Variants in SMYD3 observed in about 807,000 individuals in gnomAD.
SMYD3 encodes the protein SET and MYND domain containing 3, also known as histone-lysine N-methyltransferase SMYD3.
SMYD3 carries 36 observed loss-of-function variants against 57.7 expected under a neutral mutation model. The ratio of observed to expected loss-of-function variants is 0.62; its 90% CI spans 0.48 to 0.82. SMYD3 has a LOEUF of 0.82. SMYD3 is among the 40% of genes least tolerant of loss of function. The pLI is 0.00. For missense variants in SMYD3, 515 were observed against 538.8 expected (o/e 0.96, Z 0.44); for synonymous variants, 211 against 195.0 (o/e 1.08, Z -0.68).
At chr1:246,247,035 C>T (rs1236110523) in intron 5 of SMYD3, among the ~76,000 whole-genome samples, 1 of 152,098 alleles carries the variant, frequency 6.6e-6, no homozygotes, top group African/African-American at 2.4e-5. Flanking sequence ...ACTAAATGCT[C>T]TTTTGTATAT....
At chr1:245,916,213 T>C (rs1278238688) in intron 7 of SMYD3, among the ~76,000 whole-genome samples, 2 of 152,040 alleles carry the variant, frequency 1.3e-5, no homozygotes, top group African/African-American at 4.8e-5. Flanking sequence ...AACTTGAGAG[T>C]ACCACCACTG....
At chr1:246,171,242 A>G (rs542837795) in intron 5 of SMYD3, among the ~76,000 whole-genome samples, 1 of 152,350 alleles carries the variant, frequency 6.6e-6, no homozygotes, top group South Asian at 2.1e-4. Context: ...TTTCTTTTAT[A>G]AAAGATATCA....
At chr1:245,836,050 A>G (rs1468772384) in intron 10 of SMYD3, among the ~76,000 whole-genome samples, 2 of 152,088 alleles carry the variant, frequency 1.3e-5, no homozygotes, top group African/African-American at 4.8e-5. Context: ...CCCAACTCCT[A>G]CCAAACATTA....
intron 5 of SMYD3, among the ~76,000 whole-genome samples, chr1:246,037,333 A>G (rs759759458): frequency 6.6e-6 from 1 of 152,158 alleles, no homozygotes; most frequent in Non-Finnish European, 1.5e-5. Flanking sequence ...GTGACATTTC[A>G]GTATCATATT....
intron 2 of SMYD3, among the ~76,000 whole-genome samples, chr1:246,340,635 T>C (rs1300614684): frequency 6.6e-6 from 1 of 152,206 alleles, no homozygotes; most frequent in Non-Finnish European, 1.5e-5. Context: ...TAGGCTGCTC[T>C]GATCTTTCTG....
chr1:245,873,440 G>C (rs1227572480), intron 8 of SMYD3, among the ~76,000 whole-genome samples: 1 of 152,146 alleles, frequency 6.6e-6, no homozygotes, highest in East Asian at 1.9e-4. Flanking sequence ...TGGGAGGTTT[G>C]AGATTCTGGG....
At position 246,310,102 on chromosome 1, in the gene SMYD3, G is replaced by A. The variant is rs191894623; in HGVS notation, c.531+17099C>T. Among the ~76,000 whole-genome samples the A allele has an allele frequency of 2.3e-3, 347 of 152,200 alleles. 7 individuals carry two copies. Among genetic ancestry groups the A allele is most frequent in the East Asian group, 1.9e-3 (10 of 5,178 alleles). On this transcript the variant is annotated intron_variant, in intron 5 of 11. Coordinates refer to ENST00000490107, the MANE Select transcript of SMYD3 (RefSeq NM_001167740.2). Reference sequence around the variant, plus strand: ...AATGTTTTCAGGAAAAAAATTTGCTGTACAATACAGCACTGAATTCTATGT... The same window carrying A: ...AATGTTTTCAGGAAAAAAATTTGCTATACAATACAGCACTGAATTCTATGT...
chr1:245,861,184 TCCC>T (rs1432080960), intron 9 of SMYD3, among the ~76,000 whole-genome samples: 7 of 152,166 alleles, frequency 4.6e-5, no homozygotes, highest in Non-Finnish European at 1.0e-4. Flanking sequence ...AAGAGGCTTT[TCCC>T]CCCAAGCTAC....
chr1:246,228,249 C>T (rs756512581), intron 5 of SMYD3, among the ~76,000 whole-genome samples: 3 of 152,136 alleles, frequency 2.0e-5, no homozygotes, highest in Admixed American at 6.5e-5. Flanking sequence ...GGATTGCAGA[C>T]GTGAGCCACT....
At chr1:246,098,321 C>A (rs2060950154) in intron 5 of SMYD3, among the ~76,000 whole-genome samples, 1 of 152,148 alleles carries the variant, frequency 6.6e-6, no homozygotes, top group South Asian at 2.1e-4. Flanking sequence ...AAATCCAAAG[C>A]CCTGCGGGAA....
Position 246,457,274 on chromosome 1 carries a change from C to T in SMYD3, c.164+49780G>A, listed in dbSNP as rs778408311. Among the ~76,000 whole-genome samples the T allele has an allele frequency of 2.0e-5, 3 of 152,038 alleles. No homozygotes were observed. In the South Asian group the frequency reaches 6.2e-4, roughly 32 times the overall value. On this transcript the variant is annotated intron_variant, in intron 1 of 11. Coordinates refer to ENST00000490107, the MANE Select transcript of SMYD3 (RefSeq NM_001167740.2). ...ATAAATCTTCTCCCTCATCACTCCT[C>T]TATTGGAAACTCTCAGGTGACTCTT...
intron 5 of SMYD3, among the ~76,000 whole-genome samples, chr1:246,324,927 T>G (rs2065313903): frequency 6.8e-6 from 1 of 146,192 alleles, no homozygotes; most frequent in Admixed American, 7.0e-5. Context: ...CCCTGAAAGC[T>G]GCAGGATCTA....
At chr1:246,390,878 T>C (rs982701568) in intron 1 of SMYD3, among the ~76,000 whole-genome samples, 5 of 151,976 alleles carry the variant, frequency 3.3e-5, no homozygotes, top group Admixed American at 2.6e-4. Context: ...CAGATGACTT[T>C]TAAAAAAATC....
intron 5 of SMYD3, among the ~76,000 whole-genome samples, chr1:246,123,569 AAAAC>A (rs2061457041): frequency 1.7e-5 from 2 of 117,380 alleles, no homozygotes; most frequent in African/African-American, 6.9e-5. Flanking sequence ...ACTCCATCTC[AAAAC>A]ACACACACAC....
intron 5 of SMYD3, chr1:246,187,048 T>C (rs2148308725): frequency 3.9e-6 from 2 of 509,300 alleles, no homozygotes; most frequent in Non-Finnish European, 5.1e-6. Flanking sequence ...GATGTGCTGA[T>C]GGAGCTCAAC....
chr1:246,341,526 G>C (rs188107587), intron 2 of SMYD3, among the ~76,000 whole-genome samples: 1 of 152,030 alleles, frequency 6.6e-6, no homozygotes, highest in East Asian at 1.9e-4. Context: ...TACCATTCAG[G>C]GGGTAAAATT....
intron 5 of SMYD3, among the ~76,000 whole-genome samples, chr1:246,255,303 ATTTGATGGATCTTAT>A (rs1186669521): frequency 8.7e-6 from 1 of 115,544 alleles, no homozygotes; most frequent in East Asian, 4.4e-4. Flanking sequence ...GGATCTTATT[ATTTGATGGATCTTAT>A]TATAATAATA....
At chr1:246,342,831 T>G (rs910883658) in intron 2 of SMYD3, among the ~76,000 whole-genome samples, 8 of 152,146 alleles carry the variant, frequency 5.3e-5, no homozygotes, top group African/African-American at 4.8e-5. Flanking sequence ...TCCTGTTAAG[T>G]GAGGAACCTA....
intron 5 of SMYD3, among the ~76,000 whole-genome samples, chr1:246,107,525 A>G (rs1019610722): frequency 1.5e-5 from 2 of 135,090 alleles, no homozygotes; most frequent in Non-Finnish European, 3.4e-5. Flanking sequence ...TGAAGCAAGG[A>G]ATGGATAGAA....
Sources: gnomAD v4.1 joint callset for allele counts (sites outside exome capture counted in the v4.1 genomes callset) on GRCh38, gnomAD v4.1.1 for gene constraint, MANE v1.5 for transcripts, NCBI Gene and HGNC (gene_info 2026-07-23, HGNC 2026-07-21) for gene names.